The following ZNF469 variants were observed in gnomAD, a reference collection of about 807,000 sequenced individuals.
The protein encoded by ZNF469 is zinc finger protein 469.
ZNF469 carries 1 observed loss-of-function variant against 1.0 expected under a neutral mutation model. The ratio of observed to expected loss-of-function variants is 1.00; its 90% CI spans 0.35 to 4.73. The LOEUF (loss-of-function observed/expected upper bound fraction) is 4.73. Ranked by LOEUF, ZNF469 falls within the 30% of genes most tolerant of loss-of-function variation. The probability of loss-of-function intolerance (pLI) is 0.16; values close to 1 mark genes in which losing one functional copy is unlikely to be tolerated. For synonymous variants in ZNF469, 2,703 were observed against 2,363.4 expected (o/e 1.14, Z -4.17); for missense variants, 6,100 against 5,356.3 (o/e 1.14, Z -4.33).
At chr16:88,330,719 G>A in the ZNF469 span, among the ~76,000 whole-genome samples, 1 of 152,230 alleles carries the variant, frequency 6.6e-6, no homozygotes, top group Non-Finnish European at 1.5e-5. Flanking sequence ...TTCTCTCCTG[G>A]CCCTCCCATG....
At chr16:88,181,471 T>C in the ZNF469 span, among the ~76,000 whole-genome samples, 1 of 152,218 alleles carries the variant, frequency 6.6e-6, no homozygotes, top group Non-Finnish European at 1.5e-5. Flanking sequence ...AGTGAAGTTA[T>C]GCGAAATATG....
chr16:88,249,818 C>G, the ZNF469 span, among the ~76,000 whole-genome samples: 11 of 152,310 alleles, frequency 7.2e-5, no homozygotes, highest in African/African-American at 2.6e-4. Flanking sequence ...CCTGCTTGGC[C>G]TCCCACATTG....
the ZNF469 span, among the ~76,000 whole-genome samples, chr16:88,249,019 C>T: frequency 1.3e-5 from 2 of 152,138 alleles, no homozygotes; most frequent in African/African-American, 4.8e-5. Context: ...TTGCAAGGCC[C>T]CTGGCTGTCT....
chr16:88,271,388 A>C, the ZNF469 span, among the ~76,000 whole-genome samples: 12 of 132,870 alleles, frequency 9.0e-5, 4 homozygotes, highest in East Asian at 2.7e-3. Context: ...ATTTGTGAGA[A>C]GGTGGCCTAG....
chr16:88,193,036 ATGGTGG>A, the ZNF469 span, among the ~76,000 whole-genome samples: 2 of 43,168 alleles, frequency 4.6e-5, no homozygotes, highest in African/African-American at 9.5e-5. Flanking sequence ...GATGGTGGTG[ATGGTGG>A]TGGTGATGAT....
At chr16:88,373,714 C>T in the ZNF469 span, among the ~76,000 whole-genome samples, 354 of 152,234 alleles carry the variant, frequency 2.3e-3, 1 homozygote, top group Non-Finnish European at 4.1e-3. Context: ...AGAGAAGAAA[C>T]GGCAGGGTGC....
At chr16:88,292,901 G>A in the ZNF469 span, among the ~76,000 whole-genome samples, 14 of 151,254 alleles carry the variant, frequency 9.3e-5, no homozygotes, top group South Asian at 2.1e-4. Flanking sequence ...ACACTGGTCC[G>A]CTAGACAGTC....
upstream of ZNF469, among the ~76,000 whole-genome samples, chr16:88,379,019 G>C (rs1481908467): frequency 6.6e-6 from 1 of 152,208 alleles, no homozygotes; most frequent in Non-Finnish European, 1.5e-5. Context: ...CATCAGCGCT[G>C]ACCTCGAGTG....
chr16:88,400,861 G>A (rs1904833812), intron 1 of ZNF469, among the ~76,000 whole-genome samples: 1 of 151,866 alleles, frequency 6.6e-6, no homozygotes, highest in Non-Finnish European at 1.5e-5. Context: ...CAAGACAGTG[G>A]TTACCACCAC....
chr16:88,424,619 C>G lies in ZNF469; in HGVS notation c.-191-188C>G, dbSNP rs1442661709. Among the ~76,000 whole-genome samples, 1 of 152,110 alleles carries G rather than the reference C, an allele frequency of 6.6e-6. No individual in the cohort carries two copies. Among genetic ancestry groups the G allele is most frequent in the African/African-American group, 2.4e-5 (1 of 41,428 alleles). On this transcript the variant is annotated intron_variant, in intron 1 of 2. Transcript: ENST00000565624. The surrounding 1 kb of genome is among the most constrained non-coding windows in gnomAD (Gnocchi z 4.3). ...AACCCTTCAGGGTCCCCCGGGCCAG[C>G]TGAGCTGCCCGCTGGCCTCTGAGGG...
chr16:88,392,270 G>A lies in ZNF469; in HGVS notation c.-192+9016G>A, dbSNP rs1050752302. On this transcript the variant is annotated intron_variant, in intron 1 of 2. Transcript: ENST00000565624. ...GCCAGCGATGTGCAAACGCTCCGTG[G>A]CCACGTATGCCCGCAGCTGCTGCAC... Among the ~76,000 whole-genome samples the A allele has an allele frequency of 5.3e-5, 8 of 152,254 alleles. No individual in the cohort carries two copies. In the South Asian group the frequency reaches 1.4e-3, roughly 28 times the overall value.
At chr16:88,275,163 G>A in the ZNF469 span, among the ~76,000 whole-genome samples, 5 of 152,140 alleles carry the variant, frequency 3.3e-5, no homozygotes, top group Admixed American at 2.0e-4. Context: ...GGAGCCTGCC[G>A]CGCATTTGGC....
chr16:88,160,356 C>T, the ZNF469 span, among the ~76,000 whole-genome samples: 3 of 152,212 alleles, frequency 2.0e-5, no homozygotes, highest in African/African-American at 7.2e-5. Context: ...GCAAGAGATG[C>T]CGGTTTCCTT....
the ZNF469 span, among the ~76,000 whole-genome samples, chr16:88,266,788 G>T: frequency 6.6e-6 from 1 of 152,346 alleles, no homozygotes; most frequent in African/African-American, 2.4e-5. Context: ...GTGACAAAAG[G>T]CAGTTTCAGC....
At chr16:88,138,346 C>A in the ZNF469 span, among the ~76,000 whole-genome samples, 4 of 152,214 alleles carry the variant, frequency 2.6e-5, no homozygotes, top group Non-Finnish European at 5.9e-5. Flanking sequence ...AAATGCCACA[C>A]CAAAGTCTTG....
At chr16:88,144,287 C>T in the ZNF469 span, among the ~76,000 whole-genome samples, 6 of 152,170 alleles carry the variant, frequency 3.9e-5, no homozygotes, top group Admixed American at 6.5e-5. Context: ...GATTGGGTCA[C>T]GTTTAACTTC....
chr16:88,172,264 C>T, the ZNF469 span, among the ~76,000 whole-genome samples: 1 of 152,208 alleles, frequency 6.6e-6, no homozygotes, highest in East Asian at 1.9e-4. Flanking sequence ...CTGCTGAAGG[C>T]TGGGGAAACA....
the ZNF469 span, among the ~76,000 whole-genome samples, chr16:88,230,239 C>A: frequency 6.6e-6 from 1 of 152,276 alleles, no homozygotes; most frequent in Non-Finnish European, 1.5e-5. Context: ...ACCACCCTTC[C>A]ACCTTCAGCT....
At chr16:88,109,253 G>A in the ZNF469 span, among the ~76,000 whole-genome samples, 2 of 152,184 alleles carry the variant, frequency 1.3e-5, no homozygotes, top group Non-Finnish European at 2.9e-5. Flanking sequence ...CCAACAGTGA[G>A]ACCTCAACAG....
Sources: gnomAD v4.1 joint callset for allele counts (sites outside exome capture counted in the v4.1 genomes callset) on GRCh38, gnomAD v4.1.1 for gene constraint, Gnocchi (gnomAD v3.1) non-coding constraint, MANE v1.5 for transcripts, NCBI Gene and HGNC (gene_info 2026-07-23, HGNC 2026-07-21) for gene names.